The following GLIS3 variants were observed in gnomAD, a reference collection of about 807,000 sequenced individuals.
GLIS3 encodes the protein zinc finger protein GLIS3.
In GLIS3, 53 loss-of-function variants were observed where a neutral mutation model predicts 78.6. The observed-to-expected ratio is 0.67, with a 90% confidence interval of 0.54 to 0.85. GLIS3 has a LOEUF of 0.85. GLIS3 is among the 40% of genes least tolerant of loss of function. The pLI is 0.00. For missense variants in GLIS3, 1,703 were observed against 1,231.1 expected (o/e 1.38, Z -5.74); for synonymous variants, 684 against 509.9 (o/e 1.34, Z -4.60).
chr9:3,879,577 T>C lies in GLIS3; in HGVS notation c.2147A>G (p.Asn716Ser), dbSNP rs756574107. The C allele has an allele frequency of 3.7e-6, 6 of 1,613,972 alleles. No individual in the cohort carries two copies. Among genetic ancestry groups the C allele is most frequent in the Non-Finnish European group, 5.1e-6 (6 of 1,179,982 alleles). The change falls in exon 8 of 11, where the codon AAT becomes AGT. Residue 716 changes from asparagine (N) to serine (S), a missense_variant. Asn to Ser is a conservative substitution (Grantham distance 46, BLOSUM62 1). Transcript: ENST00000381971. Reference sequence around the variant, plus strand: ...AGCTGTTCCACTTCGGCTTGAATAATTGCTGGAGAAAATGGGAGCTGAAAT... The same window carrying C: ...AGCTGTTCCACTTCGGCTTGAATAACTGCTGGAGAAAATGGGAGCTGAAAT... ...DLYSAPIFSS[N>S]YSSRSGTAAG...
the GLIS3 span, among the ~76,000 whole-genome samples, chr9:4,391,813 T>C: frequency 6.6e-6 from 1 of 152,146 alleles, no homozygotes; most frequent in Non-Finnish European, 1.5e-5. Flanking sequence ...GAATGTAAAT[T>C]AGTTCAACCA....
At chr9:4,159,010 G>C (rs1459154064) in intron 2 of GLIS3, among the ~76,000 whole-genome samples, 1 of 121,606 alleles carries the variant, frequency 8.2e-6, no homozygotes, top group African/African-American at 3.3e-5. Context: ...AACCAGCTTG[G>C]TATGCTAGAG....
intron 2 of GLIS3, among the ~76,000 whole-genome samples, chr9:4,170,194 T>C (rs1816253008): frequency 6.6e-6 from 1 of 152,250 alleles, no homozygotes; most frequent in Non-Finnish European, 1.5e-5. Flanking sequence ...AAACTTTTCT[T>C]GAAAATACGA....
intron 4 of GLIS3, among the ~76,000 whole-genome samples, chr9:3,942,481 A>G (rs1354966267): frequency 2.0e-5 from 3 of 152,222 alleles, no homozygotes; most frequent in African/African-American, 2.4e-5. Flanking sequence ...GACTTCCACA[A>G]TAAGTCCAAG....
At chr9:3,860,272 CAAAAAAAAAAAAAAAA>C (rs59923144) in intron 8 of GLIS3, among the ~76,000 whole-genome samples, 8 of 53,608 alleles carry the variant, frequency 1.5e-4, no homozygotes, top group African/African-American at 5.9e-4. Context: ...AAGACTCTGT[CAAAAAAAAAAAAAAAA>C]AAAAAAAAAA....
At chr9:3,953,252 TC>T (rs1480489731) in intron 4 of GLIS3, among the ~76,000 whole-genome samples, 2 of 152,214 alleles carry the variant, frequency 1.3e-5, no homozygotes, top group African/African-American at 4.8e-5. Flanking sequence ...TATGATAGAA[TC>T]TTTTGAGAAT....
rs534414178 is a variant in GLIS3 at position 3,854,685 on chromosome 9, C to A, written c.2473+1324G>T. 1.6e-3 allele frequency among the ~76,000 whole-genome samples: 238 copies of A among 146,254 alleles called. 1 individual carries two copies. Among genetic ancestry groups the A allele is most frequent in the Non-Finnish European group, 2.7e-3 (178 of 66,418 alleles). On this transcript the variant is annotated intron_variant, in intron 9 of 10. Coordinates refer to ENST00000381971, the MANE Select transcript of GLIS3 (RefSeq NM_001042413.2). ...CCAAGTAGCTGGGACTACAAGCGCC[C>A]GCCGTCACGCCTGGCTAATTTTTTT...
At chr9:4,398,852 C>A in the GLIS3 span, among the ~76,000 whole-genome samples, 1 of 152,106 alleles carries the variant, frequency 6.6e-6, no homozygotes, top group Non-Finnish European at 1.5e-5. Context: ...ACATGCCTGG[C>A]TAATTTTTGT....
At chr9:3,984,902 T>C (rs1465516717) in intron 4 of GLIS3, among the ~76,000 whole-genome samples, 3 of 152,192 alleles carry the variant, frequency 2.0e-5, no homozygotes, top group Admixed American at 2.0e-4. Flanking sequence ...GGAGTTTCTC[T>C]GTACAAGATT....
At position 4,032,075 on chromosome 9, in the gene GLIS3, G is replaced by T. The variant is rs191225811; in HGVS notation, c.1710+85693C>A. ...TCAGGAGGTCAGACAAAGGCAGCCT[G>T]AGCAGCCCTGCAGAGCAAGGGACAC... On this transcript the variant is annotated intron_variant, in intron 4 of 10. Transcript: ENST00000381971. Among the ~76,000 whole-genome samples the T allele has an allele frequency of 2.3e-3, 345 of 152,218 alleles. 2 individuals carry two copies. The highest frequency in any genetic ancestry group is 7.4e-4 in the Non-Finnish European group (50 of 68,022).
chr9:3,879,772 A>C (rs1038054595), intron 7 of GLIS3, among the ~76,000 whole-genome samples, 177 bp from the exon 8 acceptor site: 6 of 152,126 alleles, frequency 3.9e-5, no homozygotes, highest in African/African-American at 1.2e-4. Flanking sequence ...ATGGTGGAAC[A>C]GGTTCCTCCG....
chr9:3,935,398 C>G (rs986018703), intron 5 of GLIS3, among the ~76,000 whole-genome samples: 10 of 151,766 alleles, frequency 6.6e-5, no homozygotes, highest in African/African-American at 2.2e-4. Flanking sequence ...ATCAGGAAAC[C>G]ACTATATTAG....
the GLIS3 span, among the ~76,000 whole-genome samples, chr9:4,402,912 T>A: frequency 1.1e-4 from 16 of 152,052 alleles, no homozygotes; most frequent in Non-Finnish European, 1.9e-4. Flanking sequence ...AAAGGGATAA[T>A]AACAGAGAAC....
At chr9:4,041,199 G>T (rs1824783659) in intron 4 of GLIS3, among the ~76,000 whole-genome samples, 1 of 152,146 alleles carries the variant, frequency 6.6e-6, no homozygotes, top group Non-Finnish European at 1.5e-5. Context: ...AAAAGCCCCG[G>T]GGGATGTCTA....
chr9:3,964,564 T>C (rs1184484099), intron 4 of GLIS3, among the ~76,000 whole-genome samples: 1 of 152,232 alleles, frequency 6.6e-6, no homozygotes, highest in African/African-American at 2.4e-5. Context: ...TAGCCAGAAA[T>C]ATGATCAGAC....
chr9:4,212,167 T>G (rs1820435880), intron 2 of GLIS3, among the ~76,000 whole-genome samples: 1 of 152,214 alleles, frequency 6.6e-6, no homozygotes, highest in South Asian at 2.1e-4. Flanking sequence ...AAATTATACC[T>G]CGATTTTTAA....
intron 4 of GLIS3, among the ~76,000 whole-genome samples, chr9:3,943,644 G>C (rs1000596734): frequency 3.3e-5 from 5 of 152,190 alleles, no homozygotes; most frequent in Non-Finnish European, 2.9e-5. Flanking sequence ...AAGGTTCCAA[G>C]TATCTAAATA....
chr9:3,881,379 T>C (rs1369777732), intron 7 of GLIS3, among the ~76,000 whole-genome samples: 1 of 152,222 alleles, frequency 6.6e-6, no homozygotes, highest in Non-Finnish European at 1.5e-5. Context: ...TTTTTTTGTA[T>C]GTATGTGCAT....
intron 4 of GLIS3, among the ~76,000 whole-genome samples, chr9:3,945,536 C>A (rs538731004): frequency 6.6e-6 from 1 of 152,232 alleles, no homozygotes; most frequent in Non-Finnish European, 1.5e-5. Context: ...AGGAGATAGA[C>A]ATACATGCAG....
Sources: gnomAD v4.1 joint callset for allele counts (sites outside exome capture counted in the v4.1 genomes callset) on GRCh38, gnomAD v4.1.1 for gene constraint, MANE v1.5 for transcripts, NCBI Gene and HGNC (gene_info 2026-07-23, HGNC 2026-07-21) for gene names.